The following SPTBN1 variants were observed in gnomAD, a reference collection of about 807,000 sequenced individuals.
SPTBN1 encodes spectrin beta chain, non-erythrocytic 1.
In SPTBN1, 32 loss-of-function variants were observed where a neutral mutation model predicts 266.4. The ratio of observed to expected loss-of-function variants is 0.12; its 90% CI spans 0.09 to 0.16. The LOEUF is 0.16. Ranked by LOEUF, SPTBN1 falls within the 10% of genes least tolerant of loss-of-function variation. The pLI is 1.00. For synonymous variants in SPTBN1, 1,336 were observed against 1,162.2 expected (o/e 1.15, Z -3.04); for missense variants, 2,296 against 3,067.1 (o/e 0.75, Z 5.94).
At chr2:54,498,414 T>C (rs1669082894) in intron 1 of SPTBN1, among the ~76,000 whole-genome samples, 1 of 152,220 alleles carries the variant, frequency 6.6e-6, no homozygotes, top group Non-Finnish European at 1.5e-5. Context: ...GCTAGACTAC[T>C]TGGGTTCAAA....
At chr2:54,592,370 C>T (rs551703829) in intron 2 of SPTBN1, among the ~76,000 whole-genome samples, 1 of 138,190 alleles carries the variant, frequency 7.2e-6, no homozygotes, top group African/African-American at 3.1e-5. Context: ...ATATTTCATA[C>T]TTTTTTTTTT....
At chr2:54,587,136 C>G (rs138821267) in intron 2 of SPTBN1, among the ~76,000 whole-genome samples, 1 of 152,138 alleles carries the variant, frequency 6.6e-6, no homozygotes, top group African/African-American at 2.4e-5. Context: ...AGAAACATCA[C>G]AAATTTGAAT....
At chr2:54,608,010 G>T (rs946284998) in intron 3 of SPTBN1, among the ~76,000 whole-genome samples, 1 of 152,212 alleles carries the variant, frequency 6.6e-6, no homozygotes, top group Admixed American at 6.5e-5. Context: ...CCCAGGGGAA[G>T]AGCAGGGAAT....
intron 1 of SPTBN1, among the ~76,000 whole-genome samples, chr2:54,511,464 C>T (rs971984057): frequency 2.6e-5 from 4 of 152,146 alleles, no homozygotes; most frequent in African/African-American, 9.7e-5. Flanking sequence ...GGACTAGTTT[C>T]GTGGAAGACA....
At chr2:54,542,043 A>G (rs1431963695) in intron 2 of SPTBN1, among the ~76,000 whole-genome samples, 1 of 152,238 alleles carries the variant, frequency 6.6e-6, no homozygotes, top group Non-Finnish European at 1.5e-5. Flanking sequence ...TAAGTGATCT[A>G]TTTTTAAGCT....
At chr2:54,599,883 C>T (rs1354437223) in intron 3 of SPTBN1, among the ~76,000 whole-genome samples, 1 of 152,192 alleles carries the variant, frequency 6.6e-6, no homozygotes, top group Non-Finnish European at 1.5e-5. Context: ...CTTGTTTATG[C>T]ACCTTATACC....
chr2:54,565,319 A>G (rs1673592131), intron 2 of SPTBN1, among the ~76,000 whole-genome samples: 2 of 152,216 alleles, frequency 1.3e-5, no homozygotes, highest in African/African-American at 4.8e-5. Flanking sequence ...GAGTTGGGGG[A>G]AAATATGTTT....
chr2:54,467,631 C>G (rs974593833), intron 1 of SPTBN1, among the ~76,000 whole-genome samples: 4 of 152,178 alleles, frequency 2.6e-5, no homozygotes, highest in African/African-American at 9.7e-5. Context: ...GTGATCCACC[C>G]TCCTTGGCCT....
chr2:54,599,467 A>T (rs922824452), intron 3 of SPTBN1, among the ~76,000 whole-genome samples: 1 of 152,208 alleles, frequency 6.6e-6, no homozygotes, highest in Non-Finnish European at 1.5e-5. Flanking sequence ...GTAATTTGCA[A>T]GGTTGCCACC....
chr2:54,576,557 C>T (rs778739414), intron 2 of SPTBN1, among the ~76,000 whole-genome samples: 3 of 152,142 alleles, frequency 2.0e-5, no homozygotes, highest in Admixed American at 1.3e-4. Context: ...GTTGCTTATA[C>T]GCTCTAGTTG....
intron 1 of SPTBN1, among the ~76,000 whole-genome samples, chr2:54,463,378 A>G (rs1693465510): frequency 6.6e-6 from 1 of 152,242 alleles, no homozygotes; most frequent in Non-Finnish European, 1.5e-5. Context: ...TGCTTTAAAC[A>G]TGTTTGAGTT....
intron 17 of SPTBN1, among the ~76,000 whole-genome samples, chr2:54,635,238 C>T (rs1159920507): frequency 1.3e-5 from 2 of 152,198 alleles, no homozygotes; most frequent in Non-Finnish European, 2.9e-5. Flanking sequence ...GTAATTGAAT[C>T]CGTGATCCAA....
At chr2:54,655,794 A>G in intron 28 of SPTBN1, 120 bp from the exon 29 acceptor site, 3 of 686,816 alleles carry the variant, frequency 4.4e-6, no homozygotes, top group Non-Finnish European at 7.5e-6. Flanking sequence ...CAGTCCTTAG[A>G]TATCTCCCAG....
intron 1 of SPTBN1, among the ~76,000 whole-genome samples, chr2:54,519,663 A>T (rs1428837230): frequency 6.6e-6 from 1 of 152,208 alleles, no homozygotes; most frequent in African/African-American, 2.4e-5. Context: ...TTCTGATGGC[A>T]TTGGGAGCCA....
At chr2:54,632,341 C>G (rs1486391754) in intron 16 of SPTBN1, among the ~76,000 whole-genome samples, 1 of 151,950 alleles carries the variant, frequency 6.6e-6, no homozygotes, top group Non-Finnish European at 1.5e-5. Flanking sequence ...TTTCCTCACT[C>G]TCTTTGGAAA....
intron 26 of SPTBN1, among the ~76,000 whole-genome samples, chr2:54,652,108 C>T (rs778143244): frequency 5.3e-5 from 8 of 152,068 alleles, no homozygotes; most frequent in African/African-American, 9.7e-5. Flanking sequence ...TCTTTGATCA[C>T]GCAGCTTTAT....
Position 54,646,580 on chromosome 2 carries a change from C to T in SPTBN1, c.4866+105C>T. 2.3e-6 allele frequency: 3 copies of T among 1,324,502 alleles called. No homozygotes were observed. Among genetic ancestry groups the T allele is most frequent in the East Asian group, 2.6e-5 (1 of 37,980 alleles). 82.0% of individuals were successfully genotyped at this position (1,324,502 alleles called of 1,614,324 possible). A position where few individuals can be genotyped will look rare whatever the true frequency, so the allele number is the denominator to read the frequency against. On this transcript the variant is annotated intron_variant, in intron 23 of 35. Transcript: ENST00000356805. This position sits in a 1 kb window ranked among gnomAD's most constrained non-coding sequence, Gnocchi z 4.4. The stretch of plus-strand genomic sequence containing the variant: ...GTCTGTATAAAAACTTCCCTTGTAG[C>T]CTTTGAGTGTTAAGGGGACACCATG...
intron 1 of SPTBN1, among the ~76,000 whole-genome samples, chr2:54,479,925 G>A (rs750758797): frequency 6.6e-6 from 1 of 151,452 alleles, no homozygotes; most frequent in Admixed American, 6.6e-5. Context: ...TAACTCCTGC[G>A]CTCAAGTGAT....
At chr2:54,590,844 A>T (rs1369421287) in intron 2 of SPTBN1, among the ~76,000 whole-genome samples, 2 of 152,152 alleles carry the variant, frequency 1.3e-5, no homozygotes, top group Non-Finnish European at 2.9e-5. Flanking sequence ...AGAGATTTGG[A>T]CTGTCTTCTG....
Sources: allele counts gnomAD v4.1 joint callset (sites outside exome capture counted in the v4.1 genomes callset), GRCh38; gene constraint gnomAD v4.1.1; non-coding constraint Gnocchi (gnomAD v3.1); transcripts MANE v1.5; gene names NCBI Gene and HGNC (gene_info 2026-07-23, HGNC 2026-07-21).